Variants in PDSS2 observed in about 807,000 individuals in gnomAD.
PDSS2 encodes the protein all trans-polyprenyl-diphosphate synthase PDSS2.
In PDSS2, 31 loss-of-function variants were observed where a neutral mutation model predicts 44.5. The observed-to-expected ratio is 0.70, with a 90% CI of 0.52 to 0.94. The LOEUF (loss-of-function observed/expected upper bound fraction) is 0.94. PDSS2 is among the 40% of genes least tolerant of loss of function. The pLI, the probability that PDSS2 is intolerant of heterozygous loss-of-function variation, is 0.00. For synonymous variants in PDSS2, 157 were observed against 180.3 expected (o/e 0.87, Z 1.03); for missense variants, 452 against 482.2 (o/e 0.94, Z 0.59).
chr6:107,169,789 A>G (rs1389463646), intron 7 of PDSS2, among the ~76,000 whole-genome samples: 1 of 152,200 alleles, frequency 6.6e-6, no homozygotes, highest in African/African-American at 2.4e-5. Flanking sequence ...GTTGCAGAAC[A>G]GCGAATATTG....
chr6:107,243,473 A>T (rs1158331550), intron 4 of PDSS2, among the ~76,000 whole-genome samples: 1 of 152,252 alleles, frequency 6.6e-6, no homozygotes. Context: ...TAGATAAATT[A>T]AGAACCTTAA....
At chr6:107,416,840 C>A (rs1441978151) in intron 1 of PDSS2, among the ~76,000 whole-genome samples, 1 of 151,720 alleles carries the variant, frequency 6.6e-6, no homozygotes, top group African/African-American at 2.4e-5. Flanking sequence ...TTACCACAGA[C>A]CTTTATTAGG....
chr6:107,253,130 G>A (rs192131149), intron 3 of PDSS2, among the ~76,000 whole-genome samples: 1 of 152,200 alleles, frequency 6.6e-6, no homozygotes, highest in Non-Finnish European at 1.5e-5. Flanking sequence ...CCACCTCCCG[G>A]GTTTCAGCAA....
chr6:107,356,847 C>T (rs1251534378), intron 1 of PDSS2, among the ~76,000 whole-genome samples: 2 of 152,134 alleles, frequency 1.3e-5, no homozygotes, highest in Admixed American at 1.3e-4. Context: ...TGTTTTCTTA[C>T]ATTTCTACAG....
At chr6:107,346,810 A>G (rs956823966) in intron 1 of PDSS2, among the ~76,000 whole-genome samples, 1 of 152,250 alleles carries the variant, frequency 6.6e-6, no homozygotes, top group Non-Finnish European at 1.5e-5. Flanking sequence ...AAAAACTGTG[A>G]AACATTTTAA....
At chr6:107,371,924 C>T (rs1271855613) in intron 1 of PDSS2, among the ~76,000 whole-genome samples, 1 of 152,106 alleles carries the variant, frequency 6.6e-6, no homozygotes, top group Admixed American at 6.5e-5. Flanking sequence ...GATATTTTTC[C>T]CAACTTACAG....
intron 4 of PDSS2, among the ~76,000 whole-genome samples, chr6:107,215,073 A>C (rs894908489): frequency 2.0e-5 from 3 of 152,262 alleles, no homozygotes; most frequent in Non-Finnish European, 4.4e-5. Context: ...CATTAGGTAT[A>C]AATTATAACA....
At chr6:107,410,289 C>T (rs1389874483) in intron 1 of PDSS2, among the ~76,000 whole-genome samples, 1 of 152,048 alleles carries the variant, frequency 6.6e-6, no homozygotes, top group South Asian at 2.1e-4. Context: ...TGTCTCACTC[C>T]CACCCTGTCA....
chr6:107,299,988 A>T (rs1266686127), intron 2 of PDSS2, among the ~76,000 whole-genome samples: 2 of 151,982 alleles, frequency 1.3e-5, no homozygotes, highest in Non-Finnish European at 2.9e-5. Context: ...ACCTCTCAAA[A>T]CTACATGAAA....
intron 2 of PDSS2, among the ~76,000 whole-genome samples, chr6:107,325,076 G>A (rs1777497621): frequency 6.6e-6 from 1 of 152,028 alleles, no homozygotes; most frequent in Admixed American, 6.5e-5. Flanking sequence ...CTCTTTCACA[G>A]CTTTTTATAT....
chr6:107,211,457 C>T (rs567293445), intron 5 of PDSS2, among the ~76,000 whole-genome samples: 1 of 151,930 alleles, frequency 6.6e-6, no homozygotes, highest in Admixed American at 6.6e-5. Context: ...AGGGGCCAGG[C>T]GTGGTGGCTC....
At chr6:107,244,381 A>T (rs922309651) in intron 4 of PDSS2, among the ~76,000 whole-genome samples, 4 of 152,194 alleles carry the variant, frequency 2.6e-5, no homozygotes, top group African/African-American at 9.6e-5. Context: ...TACTATCTAT[A>T]CAACGTAACT....
chr6:107,435,478 TTAGCAAAAGCTTTATATATACTAGAGTAG>T (rs758971799), intron 1 of PDSS2, among the ~76,000 whole-genome samples: 65 of 152,312 alleles, frequency 4.3e-4, no homozygotes, highest in Non-Finnish European at 8.5e-4. Context: ...AAAAATGCTT[TTAGCAAAAGCTTTATATATACTAGAGTAG>T]TAGTCCTGTG....
chr6:107,269,160 G>A (rs1395382603), intron 3 of PDSS2, among the ~76,000 whole-genome samples: 1 of 152,030 alleles, frequency 6.6e-6, no homozygotes, highest in Non-Finnish European at 1.5e-5. Context: ...GACCTCAGGT[G>A]ATCTGCCTGC....
chr6:107,178,775 C>G (rs912321850), intron 7 of PDSS2, among the ~76,000 whole-genome samples: 1 of 152,138 alleles, frequency 6.6e-6, no homozygotes, highest in Non-Finnish European at 1.5e-5. Flanking sequence ...AATCCCAGCA[C>G]TTTGGGAGGC....
intron 5 of PDSS2, among the ~76,000 whole-genome samples, chr6:107,211,734 CAAAAA>C (rs772288348): frequency 1.3e-5 from 1 of 76,968 alleles, no homozygotes; most frequent in Non-Finnish European, 3.0e-5. Flanking sequence ...GACTCCATCT[CAAAAA>C]AAAAAAAAAA....
chr6:107,225,297 T>C (rs1010198465), intron 4 of PDSS2, among the ~76,000 whole-genome samples: 8 of 149,292 alleles, frequency 5.4e-5, no homozygotes, highest in Admixed American at 2.7e-4. Flanking sequence ...CTCAGCCTCC[T>C]GAACAGCTGG....
intron 7 of PDSS2, among the ~76,000 whole-genome samples, chr6:107,155,206 T>C (rs947124111): frequency 2.0e-5 from 3 of 149,730 alleles, no homozygotes; most frequent in Non-Finnish European, 4.4e-5. Context: ...AGTGCAGTGG[T>C]GCGATCTCGG....
At chr6:107,379,860 A>C (rs754276724) in intron 1 of PDSS2, among the ~76,000 whole-genome samples, 7 of 152,094 alleles carry the variant, frequency 4.6e-5, no homozygotes, top group African/African-American at 1.7e-4. Context: ...AGTTAGGGCT[A>C]TTCATAATTA....
Sources: gnomAD v4.1 joint callset for allele counts (sites outside exome capture counted in the v4.1 genomes callset) on GRCh38, gnomAD v4.1.1 for gene constraint, MANE v1.5 for transcripts, NCBI Gene and HGNC (gene_info 2026-07-23, HGNC 2026-07-21) for gene names.